HIP1: variants seen among roughly 807,000 people sequenced by gnomAD.
HIP1 encodes huntingtin-interacting protein 1.
In HIP1, 65 loss-of-function variants were observed where a neutral mutation model predicts 147.6. That is an observed-to-expected ratio of 0.44 (90% confidence interval 0.36 to 0.54). The LOEUF (loss-of-function observed/expected upper bound fraction) is 0.54. HIP1 is among the 20% of genes least tolerant of loss of function. The pLI, the probability that HIP1 is intolerant of heterozygous loss-of-function variation, is 0.00. For synonymous variants in HIP1, 479 were observed against 504.0 expected, an observed-to-expected ratio of 0.95 and a Z score of 0.67; for missense variants, 1,061 against 1,299.6, an observed-to-expected ratio of 0.82 and a Z score of 2.82.
At chr7:75,640,861 A>G (rs1283906024) in intron 1 of HIP1, among the ~76,000 whole-genome samples, 1 of 152,090 alleles carries the variant, frequency 6.6e-6, no homozygotes, top group Non-Finnish European at 1.5e-5. Context: ...ACCCACATGA[A>G]GGGGCCCTGA....
At chr7:75,721,238 A>G (rs537905683) in intron 1 of HIP1, among the ~76,000 whole-genome samples, 12 of 149,618 alleles carry the variant, frequency 8.0e-5, no homozygotes, top group Non-Finnish European at 1.8e-4. Flanking sequence ...ATAGCCAGGC[A>G]TGATGGTGGG....
chr7:75,619,528 A>G (rs1797774272), intron 1 of HIP1, among the ~76,000 whole-genome samples: 1 of 151,838 alleles, frequency 6.6e-6, no homozygotes, highest in South Asian at 2.1e-4. Flanking sequence ...AAAAAAAAAA[A>G]AAAGAGAAGA....
At chr7:75,590,504 A>G (rs1796465887) in intron 4 of HIP1, among the ~76,000 whole-genome samples, 1 of 152,202 alleles carries the variant, frequency 6.6e-6, no homozygotes, top group African/African-American at 2.4e-5. Flanking sequence ...GATGGGACAA[A>G]TAGAAAACAT....
chr7:75,547,094 G>A (rs1406983015), intron 24 of HIP1, 62 bp from the exon 25 acceptor site: 2 of 1,349,998 alleles, frequency 1.5e-6, no homozygotes, highest in Non-Finnish European at 2.1e-6. Flanking sequence ...GAACACGACG[G>A]TTCTCTTCCC....
At chr7:75,557,343 C>A (rs794366) in intron 16 of HIP1, among the ~76,000 whole-genome samples, 105,896 of 151,244 alleles carry the variant, frequency 0.7, 37,221 homozygotes, top group Middle Eastern at 0.78. Flanking sequence ...ACAAACAAAA[C>A]AAACAAACAA....
chr7:75,720,172 G>A (rs185341762), intron 1 of HIP1, among the ~76,000 whole-genome samples: 183 of 151,822 alleles, frequency 1.2e-3, no homozygotes, highest in African/African-American at 4.2e-3. Flanking sequence ...TTGTTTGTTT[G>A]TTTTTTGAAA....
rs1467172946 is a variant in HIP1, at chr7:75,610,651, G to A, written c.121-11404C>T. Among the ~76,000 whole-genome samples, 4 of 151,660 alleles carry A rather than the reference G, an allele frequency of 2.6e-5. No homozygotes were observed. In the Admixed American group the frequency reaches 2.6e-4, roughly 10 times the overall value. On this transcript the variant is annotated intron_variant, in intron 1 of 30. Transcript: ENST00000336926. ...TGTAGGCCCACAGTCGCGAAGGCAG[G>A]TCATAAGTCCATAAGTCATCAGGAC...
At chr7:75,688,773 C>T (rs1800351253) in intron 1 of HIP1, among the ~76,000 whole-genome samples, 1 of 152,128 alleles carries the variant, frequency 6.6e-6, no homozygotes, top group Admixed American at 6.6e-5. Flanking sequence ...CCAGAGCCTC[C>T]CCAGGAACCA....
chr7:75,668,915 A>G (rs959860390), intron 1 of HIP1, among the ~76,000 whole-genome samples: 2 of 152,132 alleles, frequency 1.3e-5, no homozygotes, highest in Non-Finnish European at 2.9e-5. Context: ...GGACATTTTC[A>G]TCACCCCAAA....
At chr7:75,734,460 A>G (rs992044597) in intron 1 of HIP1, among the ~76,000 whole-genome samples, 1 of 151,940 alleles carries the variant, frequency 6.6e-6, no homozygotes, top group African/African-American at 2.4e-5. Context: ...AAAAATAAAT[A>G]AAGTAATTAT....
At chr7:75,638,023 C>T (rs1314453568) in intron 1 of HIP1, among the ~76,000 whole-genome samples, 2 of 127,468 alleles carry the variant, frequency 1.6e-5, no homozygotes, top group African/African-American at 6.0e-5. Flanking sequence ...CACACACACA[C>T]ACACACACAC....
chr7:75,568,744 C>T lies in HIP1; in HGVS notation c.746-488G>A, dbSNP rs1352846871. On this transcript the variant is annotated intron_variant, in intron 8 of 30. Coordinates refer to ENST00000336926, the MANE Select transcript of HIP1 (RefSeq NM_005338.7). This position sits in a 1 kb window ranked among gnomAD's most constrained non-coding sequence, Gnocchi z 4.1. ...GGATTGAAGGCCAGGTGCAGTGGCT[C>T]ACGCATGTAATCCCAGCACTTTGGG... 6.6e-6 allele frequency among the ~76,000 whole-genome samples: 1 copy of T among 152,192 alleles called. No individual in the cohort carries two copies. Among genetic ancestry groups the T allele is most frequent in the African/African-American group, 2.4e-5 (1 of 41,446 alleles).
At chr7:75,675,778 A>C (rs1197317623) in intron 1 of HIP1, among the ~76,000 whole-genome samples, 1 of 152,172 alleles carries the variant, frequency 6.6e-6, no homozygotes, top group Non-Finnish European at 1.5e-5. Context: ...CAGGAGTTCA[A>C]GACCAGCCTG....
intron 1 of HIP1, among the ~76,000 whole-genome samples, chr7:75,599,668 A>G (rs587705125): frequency 1.2e-3 from 187 of 152,200 alleles, no homozygotes; most frequent in African/African-American, 4.3e-3. Flanking sequence ...TCTCCCCTCC[A>G]AACCTTCCAC....
At chr7:75,548,739 C>T (rs2116769429) in intron 23 of HIP1, 152 bp downstream of exon 23, 5 of 679,282 alleles carry the variant, frequency 7.4e-6, no homozygotes, top group East Asian at 2.5e-5. Context: ...GCTGGGGTTA[C>T]AGGCATGAGC....
rs752721491 is a variant in HIP1, at chr7:75,642,757, C to A, written c.121-43510G>T. Among the ~76,000 whole-genome samples, 359 of 152,264 alleles carry A rather than the reference C, an allele frequency of 2.4e-3. 3 individuals are homozygous for A. The highest frequency in any genetic ancestry group is 3.4e-3 in the Non-Finnish European group (230 of 68,008). On this transcript the variant is annotated intron_variant, in intron 1 of 30. Transcript: ENST00000336926. ...GACCTCAAATGTTACCTTCCCTGAC[C>A]CATCGGACACAGCCAGTCCCTTGGG... is the stretch of plus-strand genomic sequence containing the variant.
chr7:75,548,977 T>A lies in HIP1; in HGVS notation c.2320A>T (p.Ile774Phe). The change falls in exon 23 of 31, where the codon ATC becomes TTC. Residue 774 changes from isoleucine to phenylalanine, a missense_variant. Transcript: ENST00000336926. ...AGGTCCCCCAGCTCCTCCTGCTTGA[T>A]GTCCAGTCCCCTGGGCAGGAGCTCC... is the stretch of plus-strand genomic sequence containing the variant. Reference protein sequence around the residue: ...GEELLPRGLDIKQEELGDLVD... With the variant: ...GEELLPRGLDFKQEELGDLVD... The A allele has an allele frequency of 6.2e-7, 1 of 1,614,002 alleles. No individual in the cohort carries two copies. Among genetic ancestry groups the A allele is most frequent in the Non-Finnish European group, 8.5e-7 (1 of 1,179,874 alleles).
intron 4 of HIP1, among the ~76,000 whole-genome samples, chr7:75,589,823 C>T (rs1029372498): frequency 5.1e-4 from 77 of 151,558 alleles, no homozygotes; most frequent in African/African-American, 1.6e-3. Context: ...CTCCGCCTCC[C>T]GGGTTCACGC....
chr7:75,703,299 G>T (rs1366485512), intron 1 of HIP1, among the ~76,000 whole-genome samples: 6 of 151,500 alleles, frequency 4.0e-5, no homozygotes, highest in Non-Finnish European at 7.4e-5. Context: ...AGTGAGCCGA[G>T]ATCATGCCAC....
Sources: gnomAD v4.1 joint callset for allele counts (sites outside exome capture counted in the v4.1 genomes callset) on GRCh38, gnomAD v4.1.1 for gene constraint, Gnocchi (gnomAD v3.1) non-coding constraint, MANE v1.5 for transcripts, NCBI Gene and HGNC (gene_info 2026-07-23, HGNC 2026-07-21) for gene names.